TRPC3: variants seen among roughly 807,000 people sequenced by gnomAD.
The protein encoded by TRPC3 is transient receptor potential cation channel subfamily C member 3.
In TRPC3, 54 loss-of-function variants were observed where a neutral mutation model predicts 90.9. The observed-to-expected ratio is 0.59, with a 90% confidence interval of 0.48 to 0.75. TRPC3 has a LOEUF of 0.75. Among genes scored for constraint, TRPC3 ranks in the 30% least tolerant of loss-of-function variants. TRPC3 has a pLI of 0.00. For missense variants in TRPC3, 918 were observed against 1,194.5 expected (o/e 0.77, Z 3.41); for synonymous variants, 424 against 450.9 (o/e 0.94, Z 0.75).
chr4:121,884,613 AAG>A (rs1475776626), intron 10 of TRPC3, among the ~76,000 whole-genome samples: 2 of 152,224 alleles, frequency 1.3e-5, no homozygotes, highest in Non-Finnish European at 2.9e-5. Context: ...GGTCAAGTAA[AAG>A]AGAAGAATCC....
At chr4:121,906,497 A>G (rs940963356) in intron 7 of TRPC3, among the ~76,000 whole-genome samples, 1 of 152,138 alleles carries the variant, frequency 6.6e-6, no homozygotes, top group African/African-American at 2.4e-5. Context: ...CCTGTTCTAT[A>G]TTAACTATTA....
At chr4:121,921,827 T>G (rs1201561749) in intron 3 of TRPC3, among the ~76,000 whole-genome samples, 1 of 150,126 alleles carries the variant, frequency 6.7e-6, no homozygotes, top group Non-Finnish European at 1.5e-5. Flanking sequence ...GCAGCAGGAG[T>G]GGGTGGGGTG....
At position 121,932,584 on chromosome 4, in the gene TRPC3, T is replaced by C; in HGVS notation, c.674A>G (p.Glu225Gly). Reference protein sequence around the residue: ...LQDDDFYAYDEDGTRFSPDIT... With the variant: ...LQDDDFYAYDGDGTRFSPDIT... ...GTCCGGCGAGAAGCGCGTGCCGTCC[T>C]CGTCGTAAGCGTAGAAGTCGTCGTC... The change falls in exon 2 of 12, where the codon GAG becomes GGG. Residue 225 changes from glutamate (E) to glycine (G), a missense_variant. By Grantham distance (98) the Glu-to-Gly change is moderately conservative. This residue lies in a region of TRPC3 where 609 missense variants were observed against 725.9 expected (regional missense o/e 0.84). Transcript: ENST00000379645. This position sits in a 1 kb window ranked among gnomAD's most constrained non-coding sequence, Gnocchi z 7.7. 6.2e-7 allele frequency: 1 copy of C among 1,614,210 alleles called. No individual in the cohort carries two copies.
intron 10 of TRPC3, among the ~76,000 whole-genome samples, chr4:121,894,811 G>A (rs1351166372): frequency 6.6e-6 from 1 of 151,812 alleles, no homozygotes; most frequent in Non-Finnish European, 1.5e-5. Context: ...CAATCCTTCT[G>A]CCTTGGCCTT....
chr4:121,916,958 G>A (rs943060398), intron 3 of TRPC3, among the ~76,000 whole-genome samples: 1 of 151,734 alleles, frequency 6.6e-6, no homozygotes, highest in African/African-American at 2.4e-5. Context: ...CAGGTGATCC[G>A]CCCGCCTCAG....
chr4:121,893,860 A>G (rs1347143429), intron 10 of TRPC3, among the ~76,000 whole-genome samples: 2 of 152,168 alleles, frequency 1.3e-5, no homozygotes, highest in Non-Finnish European at 2.9e-5. Context: ...CATAAAAAGG[A>G]AGGTAAAACT....
In TRPC3 at chr4:121,932,679, G is replaced by A; in HGVS notation, c.579C>T (p.Ala193=). The stretch of plus-strand genomic sequence containing the variant: ...CCGCGAAGCCAGGGTGGTTGAGGAT[G>A]GCCTCTACGATGCGCACGTAGCCCT... ...ISKGYVRIVE[A]ILNHPGFAAS... Residue 193 remains alanine (A), a synonymous_variant, in exon 2 of 12, where the codon GCC becomes GCT. Coordinates refer to ENST00000379645, the MANE Select transcript of TRPC3 (RefSeq NM_001130698.2). The surrounding 1 kb of genome is among the most constrained non-coding windows in gnomAD (Gnocchi z 7.7). 1 of 1,613,354 alleles carries A rather than the reference G, an allele frequency of 6.2e-7. No homozygotes were observed. Among genetic ancestry groups the A allele is most frequent in the Non-Finnish European group, 8.5e-7 (1 of 1,179,544 alleles).
At chr4:121,926,398 A>AT (rs200429260) in intron 2 of TRPC3, among the ~76,000 whole-genome samples, 5,232 of 139,840 alleles carry the variant, frequency 0.037, 302 homozygotes, top group African/African-American at 0.13. Context: ...ATGATTTTCT[A>AT]TTTTTTTGTT....
intron 5 of TRPC3, among the ~76,000 whole-genome samples, chr4:121,911,093 A>G (rs1729068692): frequency 6.6e-6 from 1 of 152,226 alleles, no homozygotes; most frequent in Non-Finnish European, 1.5e-5. Context: ...GAATTTTTAA[A>G]AAATGTAATG....
intron 7 of TRPC3, 101 bp downstream of exon 7, chr4:121,907,202 A>G (rs566052750): frequency 8.7e-7 from 1 of 1,151,518 alleles, no homozygotes; most frequent in East Asian, 2.4e-5. Context: ...TTCTGTGCTT[A>G]AAAACATCTT....
intron 3 of TRPC3, among the ~76,000 whole-genome samples, chr4:121,922,177 C>T (rs1185166915): frequency 2.0e-5 from 3 of 151,894 alleles, no homozygotes; most frequent in African/African-American, 7.3e-5. Flanking sequence ...CTGCCTCGGC[C>T]CCCCAAAGTG....
chr4:121,892,740 A>G (rs1241741583), intron 10 of TRPC3, among the ~76,000 whole-genome samples: 1 of 152,190 alleles, frequency 6.6e-6, no homozygotes, highest in Non-Finnish European at 1.5e-5. Context: ...AGAAAAGAAA[A>G]CACAACATTA....
Position 121,951,775 on chromosome 4 carries a change from C to A in TRPC3, c.-95G>T. ...TTCCCGCGGCGCCCCTTCACCACCT[C>A]CCGCGGCTTCCGGGGCCCCGGGCGG... is the stretch of plus-strand genomic sequence containing the variant. On this transcript the variant is annotated 5_prime_UTR_variant, in exon 1 of 12. It introduces an in-frame stop codon into an upstream open reading frame of the 5' UTR. Transcript: ENST00000379645. The surrounding 1 kb of genome is among the most constrained non-coding windows in gnomAD (Gnocchi z 4.4). 9.2e-7 allele frequency: 1 copy of A among 1,081,996 alleles called. No individual in the cohort carries two copies. The highest frequency in any genetic ancestry group is 1.2e-6 in the Non-Finnish European group (1 of 832,230). The allele number at this position is 1,081,996 out of a possible 1,614,324, so 67.0% of individuals were successfully genotyped here.
At position 121,902,970 on chromosome 4, in the gene TRPC3, A is replaced by G; in HGVS notation, c.2345T>C (p.Leu782Pro). 2 of 1,613,598 alleles carry G rather than the reference A, an allele frequency of 1.2e-6. No homozygotes were observed. Among genetic ancestry groups the G allele is most frequent in the Non-Finnish European group, 1.7e-6 (2 of 1,179,770 alleles). ...AACAAATGATTTTGGACTAGGAACT[A>G]GACTGAAAGGTGGAGGTAATGTTTT... ...DGKTLPPPFS[L>P]VPSPKSFVYF... Residue 782 changes from leucine (L) to proline (P), a missense_variant, in exon 9 of 12, where the codon CTA becomes CCA. Leu to Pro is a moderately conservative substitution (Grantham distance 98). Coordinates refer to ENST00000379645, the MANE Select transcript of TRPC3 (RefSeq NM_001130698.2).
intron 1 of TRPC3, among the ~76,000 whole-genome samples, chr4:121,938,891 T>C (rs1004870470): frequency 1.3e-5 from 2 of 151,454 alleles, no homozygotes; most frequent in East Asian, 3.9e-4. Context: ...ACACCCCTAC[T>C]GCTCTTTTCA....
chr4:121,884,519 G>C (rs1728045019), intron 10 of TRPC3, among the ~76,000 whole-genome samples: 1 of 151,966 alleles, frequency 6.6e-6, no homozygotes. Flanking sequence ...ACAAAGGAAA[G>C]GGAAAAAGAC....
Position 121,898,873 on chromosome 4 carries a change from TA to T in TRPC3, c.2547+738del, listed in dbSNP as rs887836411. On this transcript the variant is annotated intron_variant, in intron 10 of 11. Transcript: ENST00000379645. The stretch of plus-strand genomic sequence containing the variant: ...TATGTAAAATTTACAAAAATTTTCT[TA>T]AAAAAAAGACTTTGACAATCAGTGG... Among the ~76,000 whole-genome samples the T allele has an allele frequency of 1.3e-3, 199 of 151,974 alleles. 1 individual carries two copies. The highest frequency in any genetic ancestry group is 4.4e-3 in the African/African-American group (183 of 41,470).
At chr4:121,914,390 T>G (rs1044193350) in intron 4 of TRPC3, among the ~76,000 whole-genome samples, 1 of 152,224 alleles carries the variant, frequency 6.6e-6, no homozygotes, top group African/African-American at 2.4e-5. Flanking sequence ...CCAGCGTAAC[T>G]GTTTCTTGGT....
chr4:121,922,061 GGT>G (rs1218451898), intron 3 of TRPC3, among the ~76,000 whole-genome samples: 1 of 151,836 alleles, frequency 6.6e-6, no homozygotes, highest in African/African-American at 2.4e-5. Context: ...TGCAACTACA[GGT>G]GCCTGCCACC....
Sources: allele counts gnomAD v4.1 joint callset (sites outside exome capture counted in the v4.1 genomes callset), GRCh38; gene constraint gnomAD v4.1.1; regional missense constraint gnomAD v4.1.1; non-coding constraint Gnocchi (gnomAD v3.1); transcripts MANE v1.5; gene names NCBI Gene and HGNC (gene_info 2026-07-23, HGNC 2026-07-21).